RBFOX1: variants seen among roughly 807,000 people sequenced by gnomAD.
RBFOX1 encodes RNA binding fox-1 homolog 1.
In RBFOX1, 8 loss-of-function variants were observed where a neutral mutation model predicts 57.7. The observed-to-expected ratio is 0.14, with a 90% CI of 0.08 to 0.25. The LOEUF (loss-of-function observed/expected upper bound fraction) is 0.25. RBFOX1 is among the 10% of genes least tolerant of loss of function. The pLI is 1.00. For synonymous variants in RBFOX1, 326 were observed against 222.4 expected, an observed-to-expected ratio of 1.47 and a Z score of -4.15; for missense variants, 611 against 548.5, an observed-to-expected ratio of 1.11 and a Z score of -1.14.
intron 4 of RBFOX1, among the ~76,000 whole-genome samples, chr16:5,905,748 A>G (rs1260459594): frequency 6.6e-6 from 1 of 152,132 alleles, no homozygotes; most frequent in Non-Finnish European, 1.5e-5. Flanking sequence ...GAGGACTCAG[A>G]AGTACCCAAC....
chr16:6,097,578 G>C lies in RBFOX1; in HGVS notation c.-127+77586G>C, dbSNP rs1383461494. On this transcript the variant is annotated intron_variant, in intron 1 of 15. Transcript: ENST00000550418. This position sits in a 1 kb window ranked among gnomAD's most constrained non-coding sequence, Gnocchi z 5.0. ...TATAAGAACCTCTGCTGCACAGGGA[G>C]ACCTCACTTTCATTATTCTCATTTC... Among the ~76,000 whole-genome samples the C allele has an allele frequency of 6.6e-6, 1 of 152,158 alleles. No individual in the cohort carries two copies. Among genetic ancestry groups the C allele is most frequent in the East Asian group, 1.9e-4 (1 of 5,186 alleles).
At chr16:6,445,314 G>A (rs534490429) in intron 2 of RBFOX1, among the ~76,000 whole-genome samples, 1 of 152,048 alleles carries the variant, frequency 6.6e-6, no homozygotes, top group Admixed American at 6.6e-5. Flanking sequence ...ATGTATACAT[G>A]TGCCATGAAG....
chr16:7,705,082 A>G (rs1365643157), intron 14 of RBFOX1, among the ~76,000 whole-genome samples: 1 of 150,538 alleles, frequency 6.6e-6, no homozygotes, highest in African/African-American at 2.4e-5. Context: ...AGCCAGAGAA[A>G]GAAGCATCTC....
intron 1 of RBFOX1, among the ~76,000 whole-genome samples, chr16:6,027,359 G>C (rs1222005111): frequency 6.6e-6 from 1 of 152,088 alleles, no homozygotes; most frequent in East Asian, 1.9e-4. Context: ...GTGTGGAGAG[G>C]GCATGCTTGG....
At chr16:7,013,203 C>T (rs993844661) in intron 3 of RBFOX1, among the ~76,000 whole-genome samples, 1 of 152,090 alleles carries the variant, frequency 6.6e-6, no homozygotes, top group Non-Finnish European at 1.5e-5. Context: ...GAGATTGAGC[C>T]ATTTAGTTCT....
At chr16:7,616,120 C>G (rs1242522245) in intron 10 of RBFOX1, among the ~76,000 whole-genome samples, 1 of 152,160 alleles carries the variant, frequency 6.6e-6, no homozygotes, top group Non-Finnish European at 1.5e-5. Flanking sequence ...TCCCCAAGAC[C>G]ACTCTCAGGC....
At chr16:5,682,471 G>A (rs1346415889) in intron 3 of RBFOX1, among the ~76,000 whole-genome samples, 2 of 152,164 alleles carry the variant, frequency 1.3e-5, no homozygotes, top group South Asian at 2.1e-4. Flanking sequence ...CAATCGGTCC[G>A]TCTAGGTTTC....
chr16:5,264,799 C>T (rs1055296399), intron 1 of RBFOX1, among the ~76,000 whole-genome samples: 3 of 152,000 alleles, frequency 2.0e-5, no homozygotes, highest in African/African-American at 7.3e-5. Flanking sequence ...CCCTCTGTTC[C>T]CTGCTTGGTG....
intron 4 of RBFOX1, among the ~76,000 whole-genome samples, chr16:7,204,601 G>T (rs112653083): frequency 3.3e-5 from 5 of 152,146 alleles, no homozygotes; most frequent in Admixed American, 6.5e-5. Context: ...AGCTATGATC[G>T]TGCCATTGGA....
intron 4 of RBFOX1, among the ~76,000 whole-genome samples, chr16:7,136,429 C>T (rs1012722936): frequency 6.1e-4 from 63 of 103,008 alleles, no homozygotes; most frequent in African/African-American, 2.4e-3. Flanking sequence ...TTTTTTTTGA[C>T]AGGGTCTTGT....
intron 4 of RBFOX1, among the ~76,000 whole-genome samples, chr16:7,388,391 G>A (rs867888432): frequency 6.6e-6 from 1 of 152,160 alleles, no homozygotes; most frequent in Middle Eastern, 3.2e-3. Context: ...TATTGCTGGG[G>A]TGTATAATTT....
At chr16:7,499,390 C>T (rs1472845515) in intron 4 of RBFOX1, among the ~76,000 whole-genome samples, 1 of 152,150 alleles carries the variant, frequency 6.6e-6, no homozygotes, top group Non-Finnish European at 1.5e-5. Flanking sequence ...CTCATCTTAA[C>T]TAATTACATC....
chr16:6,543,898 A>G (rs1173430256), intron 2 of RBFOX1, among the ~76,000 whole-genome samples: 1 of 152,204 alleles, frequency 6.6e-6, no homozygotes, highest in African/African-American at 2.4e-5. Flanking sequence ...ATAACACGAG[A>G]TAGAAAGGCC....
chr16:6,848,022 G>T (rs144583222), intron 3 of RBFOX1, among the ~76,000 whole-genome samples: 75 of 152,134 alleles, frequency 4.9e-4, no homozygotes, highest in Non-Finnish European at 7.9e-4. Flanking sequence ...TAGAGACACG[G>T]GGTCTTACCA....
At chr16:7,146,560 G>C (rs1305047016) in intron 4 of RBFOX1, among the ~76,000 whole-genome samples, 1 of 151,968 alleles carries the variant, frequency 6.6e-6, no homozygotes, top group African/African-American at 2.4e-5. Context: ...AGGTCTTCTT[G>C]GGTTTCTCAT....
At chr16:5,689,122 G>T (rs2050592488) in intron 3 of RBFOX1, among the ~76,000 whole-genome samples, 1 of 152,200 alleles carries the variant, frequency 6.6e-6, no homozygotes, top group African/African-American at 2.4e-5. Context: ...ATGGCACTTG[G>T]AGATTAAACT....
At chr16:7,072,863 G>A (rs554896236) in intron 4 of RBFOX1, among the ~76,000 whole-genome samples, 3 of 152,304 alleles carry the variant, frequency 2.0e-5, no homozygotes, top group Admixed American at 1.3e-4. Context: ...GCTCTGAGAT[G>A]AAGAATTTAC....
At chr16:6,749,223 T>A (rs1419047345) in intron 3 of RBFOX1, among the ~76,000 whole-genome samples, 1 of 152,174 alleles carries the variant, frequency 6.6e-6, no homozygotes, top group Admixed American at 6.5e-5. Flanking sequence ...CAAGATCGTG[T>A]TTTGGCAAGT....
At chr16:7,668,272 C>G (rs1228093551) in intron 13 of RBFOX1, among the ~76,000 whole-genome samples, 1 of 152,156 alleles carries the variant, frequency 6.6e-6, no homozygotes, top group African/African-American at 2.4e-5. Flanking sequence ...CATTGAAAGA[C>G]CTGCGTGATC....
Sources: gnomAD v4.1 joint callset for allele counts (sites outside exome capture counted in the v4.1 genomes callset) on GRCh38, gnomAD v4.1.1 for gene constraint, Gnocchi (gnomAD v3.1) non-coding constraint, MANE v1.5 for transcripts, NCBI Gene and HGNC (gene_info 2026-07-23, HGNC 2026-07-21) for gene names.